Variants in ATF7IP observed in about 807,000 individuals in gnomAD.
ATF7IP encodes the protein activating transcription factor 7-interacting protein 1.
Under a neutral mutation model 106.4 loss-of-function variants are expected in ATF7IP, and 23 were observed. That is an observed-to-expected ratio of 0.22 (90% CI 0.16 to 0.31). The LOEUF (loss-of-function observed/expected upper bound fraction) is 0.31, where lower values mean the gene tolerates loss of function less well. ATF7IP is among the 10% of genes least tolerant of loss of function. The pLI is 1.00. For missense variants in ATF7IP, 1,334 were observed against 1,524.3 expected, an observed-to-expected ratio of 0.88 and a Z score of 2.08; for synonymous variants, 542 against 539.0, an observed-to-expected ratio of 1.01 and a Z score of -0.08.
intron 2 of ATF7IP, among the ~76,000 whole-genome samples, chr12:14,427,111 G>GT (rs964978044): frequency 1.4e-3 from 208 of 150,944 alleles, no homozygotes; most frequent in African/African-American, 4.9e-3. Flanking sequence ...TATAACAGAG[G>GT]TTTTTTTTGT....
At chr12:14,403,166 A>G (rs1375105604) in intron 1 of ATF7IP, among the ~76,000 whole-genome samples, 1 of 152,102 alleles carries the variant, frequency 6.6e-6, no homozygotes, top group Non-Finnish European at 1.5e-5. Context: ...ATCAGTGCTT[A>G]ATTTTAATTT....
intron 5 of ATF7IP, among the ~76,000 whole-genome samples, chr12:14,438,510 G>A (rs1021236260): frequency 3.2e-4 from 49 of 152,356 alleles, no homozygotes; most frequent in African/African-American, 1.2e-3. Context: ...GGTGTCAGCA[G>A]TGTAGATTCT....
intron 13 of ATF7IP, among the ~76,000 whole-genome samples, chr12:14,484,277 C>T (rs1024508373): frequency 2.0e-5 from 3 of 152,142 alleles, no homozygotes; most frequent in African/African-American, 7.2e-5. Flanking sequence ...GTTCATGGGC[C>T]CTTTGGGTGA....
chr12:14,440,706 T>A (rs1250612952), intron 5 of ATF7IP, among the ~76,000 whole-genome samples: 1 of 152,240 alleles, frequency 6.6e-6, no homozygotes, highest in Non-Finnish European at 1.5e-5. Flanking sequence ...CCACAATCTC[T>A]ATCTAGTTTC....
intron 1 of ATF7IP, among the ~76,000 whole-genome samples, chr12:14,399,741 A>G (rs1207387833): frequency 6.6e-6 from 1 of 151,844 alleles, no homozygotes; most frequent in African/African-American, 2.4e-5. Context: ...TTTTTAATAT[A>G]CTATTTTAAA....
At position 14,424,767 on chromosome 12, in the gene ATF7IP, C is replaced by T; in HGVS notation, c.852C>T (p.Thr284=). 6.2e-7 allele frequency: 1 copy of T among 1,614,136 alleles called. No homozygotes were observed. Among genetic ancestry groups the T allele is most frequent in the Non-Finnish European group, 8.5e-7 (1 of 1,180,022 alleles). Residue 284 remains threonine (T), a synonymous_variant, in exon 2 of 15, where the codon ACC becomes ACT. Transcript: ENST00000261168. ...LASDELTSES[T]FDRTFEPKSV... Reference sequence around the variant, plus strand: ...CTGATGAGCTGACTTCTGAATCAACCTTTGATCGTACCTTTGAACCAAAGT... The same window carrying T: ...CTGATGAGCTGACTTCTGAATCAACTTTTGATCGTACCTTTGAACCAAAGT...
intron 6 of ATF7IP, among the ~76,000 whole-genome samples, chr12:14,451,067 TAA>T (rs1943184057): frequency 6.6e-6 from 1 of 152,090 alleles, no homozygotes; most frequent in Non-Finnish European, 1.5e-5. Flanking sequence ...TATTACTGAT[TAA>T]GTCTCCTTAA....
chr12:14,368,543 A>G (rs1938398694), intron 1 of ATF7IP, among the ~76,000 whole-genome samples: 1 of 152,094 alleles, frequency 6.6e-6, no homozygotes, highest in Non-Finnish European at 1.5e-5. Context: ...TTCTTGTACT[A>G]TACCTCAGAA....
chr12:14,501,357 A>G lies in ATF7IP; in HGVS notation c.*3284A>G, dbSNP rs1945155101. The G allele has an allele frequency of 6.6e-6, 1 of 152,190 alleles. No individual in the cohort carries two copies. Among genetic ancestry groups the G allele is most frequent in the Non-Finnish European group, 1.5e-5 (1 of 68,020 alleles). The allele number at this position is 152,190 out of a possible 1,614,324, so 9.4% of individuals were successfully genotyped here. ...GCAACCTGCAATGTAGGATGTTTGT[A>G]TGGCATTTAAAGGTAATGGTGATGT... is the stretch of plus-strand genomic sequence containing the variant. On this transcript the variant is annotated 3_prime_UTR_variant, in exon 15 of 15. Transcript: ENST00000261168.
chr12:14,425,687 T>C (rs1431614103), intron 2 of ATF7IP, among the ~76,000 whole-genome samples: 1 of 152,090 alleles, frequency 6.6e-6, no homozygotes, highest in Non-Finnish European at 1.5e-5. Context: ...GGAGATAAAA[T>C]AAGTAGAAAA....
intron 2 of ATF7IP, among the ~76,000 whole-genome samples, chr12:14,431,288 T>C (rs923354546): frequency 6.6e-6 from 1 of 152,012 alleles, no homozygotes; most frequent in Non-Finnish European, 1.5e-5. Flanking sequence ...AATATGGAAC[T>C]ATGAAAACTT....
chr12:14,443,203 T>C lies in ATF7IP; in HGVS notation c.1930-3785T>C, dbSNP rs141199227. Among the ~76,000 whole-genome samples, 7 of 152,266 alleles carry C rather than the reference T, an allele frequency of 4.6e-5. No homozygotes were observed. In the East Asian group the frequency reaches 1.4e-3, roughly 29 times the overall value. On this transcript the variant is annotated intron_variant, in intron 5 of 14. Coordinates refer to ENST00000261168, the MANE Select transcript of ATF7IP (RefSeq NM_018179.5). ...GTTTTGAGGAACTGTATCAAAACTA[T>C]AGTCAAAGATCTATTTCTGAAGAAG...
chr12:14,471,233 C>G (rs932646230), intron 10 of ATF7IP, among the ~76,000 whole-genome samples: 1 of 152,142 alleles, frequency 6.6e-6, no homozygotes, highest in African/African-American at 2.4e-5. Context: ...TACCATTACA[C>G]TTGAAAAGAT....
chr12:14,455,446 G>C (rs548283961), intron 6 of ATF7IP, among the ~76,000 whole-genome samples: 1 of 152,232 alleles, frequency 6.6e-6, no homozygotes, highest in East Asian at 1.9e-4. Context: ...CATATAAAAA[G>C]TAGCAAGATG....
At chr12:14,438,088 G>T (rs761269893) in intron 4 of ATF7IP, 42 bp from the exon 5 acceptor site, 26 of 1,588,748 alleles carry the variant, frequency 1.6e-5, no homozygotes, top group Non-Finnish European at 1.8e-5. Context: ...TTGCTTGCTG[G>T]AATGCCTTCT....
chr12:14,404,132 CTTT>C (rs11344521), intron 1 of ATF7IP, among the ~76,000 whole-genome samples: 1 of 146,436 alleles, frequency 6.8e-6, no homozygotes. Flanking sequence ...CATTTGTAAG[CTTT>C]TTTTTTTTTT....
intron 13 of ATF7IP, among the ~76,000 whole-genome samples, chr12:14,486,196 G>C (rs1944606252): frequency 6.6e-6 from 1 of 152,172 alleles, no homozygotes; most frequent in South Asian, 2.1e-4. Context: ...AGTCAGACCT[G>C]AGATAAAATT....
At chr12:14,386,971 C>T (rs376990080) in intron 1 of ATF7IP, among the ~76,000 whole-genome samples, 2 of 151,436 alleles carry the variant, frequency 1.3e-5, no homozygotes, top group African/African-American at 4.8e-5. Flanking sequence ...TTGTTATTTA[C>T]ATTTTTTTTA....
chr12:14,389,465 C>G (rs1361252481), intron 1 of ATF7IP, among the ~76,000 whole-genome samples: 2 of 152,160 alleles, frequency 1.3e-5, no homozygotes, highest in Admixed American at 1.3e-4. Context: ...AAAAACATGA[C>G]TTGAATTCAC....
Sources: gnomAD v4.1 joint callset for allele counts (sites outside exome capture counted in the v4.1 genomes callset) on GRCh38, gnomAD v4.1.1 for gene constraint, MANE v1.5 for transcripts, NCBI Gene and HGNC (gene_info 2026-07-23, HGNC 2026-07-21) for gene names.